Variants in CCBE1 observed in about 807,000 individuals in gnomAD.
The protein encoded by CCBE1 is collagen and calcium-binding EGF domain-containing protein 1.
Under a neutral mutation model 50.0 loss-of-function variants are expected in CCBE1, and 37 were observed. That is an observed-to-expected ratio of 0.74 (90% CI 0.57 to 0.97). CCBE1 has a LOEUF of 0.97. Among genes scored for constraint, CCBE1 ranks in the 50% least tolerant of loss-of-function variants. The pLI, the probability that CCBE1 is intolerant of heterozygous loss-of-function variation, is 0.00. For missense variants in CCBE1, 538 were observed against 523.8 expected, an observed-to-expected ratio of 1.03 and a Z score of -0.26; for synonymous variants, 234 against 203.7, an observed-to-expected ratio of 1.15 and a Z score of -1.27.
intron 2 of CCBE1, among the ~76,000 whole-genome samples, chr18:59,561,949 C>A (rs1232337739): frequency 6.6e-6 from 1 of 152,114 alleles, no homozygotes; most frequent in Non-Finnish European, 1.5e-5. Flanking sequence ...CTGCCTATTG[C>A]CCCCTGAGGT....
chr18:59,609,410 C>A (rs973241654), intron 2 of CCBE1, among the ~76,000 whole-genome samples: 3 of 152,188 alleles, frequency 2.0e-5, no homozygotes, highest in Non-Finnish European at 4.4e-5. Context: ...ACCCTCATCA[C>A]CATTAGAACA....
At chr18:59,476,187 C>T (rs1912297255) in intron 3 of CCBE1, among the ~76,000 whole-genome samples, 1 of 152,070 alleles carries the variant, frequency 6.6e-6, no homozygotes, top group African/African-American at 2.4e-5. Context: ...ATAATAATAC[C>T]CACACTTCAT....
intron 2 of CCBE1, among the ~76,000 whole-genome samples, chr18:59,695,773 C>A (rs2054796387): frequency 6.6e-6 from 1 of 152,194 alleles, no homozygotes; most frequent in Admixed American, 6.5e-5. Flanking sequence ...GCATGTGAGT[C>A]TCCAGAGACA....
In CCBE1 at chr18:59,480,187, T is replaced by G; in HGVS notation, c.264A>C (p.Glu88Asp). 1 of 1,581,266 alleles carries G rather than the reference T, an allele frequency of 6.3e-7. No individual in the cohort carries two copies. Among genetic ancestry groups the G allele is most frequent in the Non-Finnish European group, 8.7e-7 (1 of 1,150,658 alleles). Residue 88 changes from glutamate to aspartate, a missense_variant and splice_region_variant, in exon 3 of 11, where the codon GAA (glutamate) becomes GAC (aspartate). Coordinates refer to ENST00000439986, the MANE Select transcript of CCBE1 (RefSeq NM_133459.4). ...CAATATCTTTTTTATATTACATACC[T>G]TCTGGGATGCATTGTCCAAGAACAA... ...YKFVLGQCIP[E>D]DYDVCAEAPC...
chr18:59,696,702 A>C lies in CCBE1; in HGVS notation c.139T>G (p.Cys47Gly). 6.2e-7 allele frequency: 1 copy of C among 1,613,936 alleles called. No homozygotes were observed. The highest frequency in any genetic ancestry group is 1.1e-5 in the South Asian group (1 of 91,084). ...GTCGTCGCGATTTTGCTCTCTGAGC[A>C]GATTTCTCTATGAAAAAGTGCAGAG... ...EEPEDGDREI[C>G]SESKIATTKY... Residue 47 changes from cysteine (C) to glycine (G), a missense_variant, in exon 2 of 11, where the codon TGC becomes GGC. Transcript: ENST00000439986.
intron 2 of CCBE1, among the ~76,000 whole-genome samples, chr18:59,538,901 G>C (rs1915354835): frequency 6.6e-6 from 1 of 152,218 alleles, no homozygotes; most frequent in Non-Finnish European, 1.5e-5. Context: ...AGACTAGGCT[G>C]GGTTCGTGGC....
intron 7 of CCBE1, among the ~76,000 whole-genome samples, chr18:59,440,112 G>T (rs1910353222): frequency 6.6e-6 from 1 of 152,168 alleles, no homozygotes; most frequent in African/African-American, 2.4e-5. Context: ...TCAGTGGCCA[G>T]CTCCTGTGCA....
intron 2 of CCBE1, among the ~76,000 whole-genome samples, chr18:59,629,553 C>A (rs1243623056): frequency 1.3e-5 from 2 of 152,106 alleles, no homozygotes; most frequent in African/African-American, 4.8e-5. Context: ...TAGAACACTG[C>A]CCAGCACAGA....
chr18:59,458,121 A>AATCC (rs72142081), intron 5 of CCBE1, among the ~76,000 whole-genome samples: 33 of 151,074 alleles, frequency 2.2e-4, no homozygotes, highest in African/African-American at 7.5e-4. Context: ...TCTGTCCATC[A>AATCC]ATCCATCCAT....
intron 2 of CCBE1, among the ~76,000 whole-genome samples, chr18:59,585,192 CGTAA>C (rs370294611): frequency 0.011 from 1,723 of 152,156 alleles, 18 homozygotes; most frequent in Middle Eastern, 0.041. Flanking sequence ...CTTCAGATCT[CGTAA>C]GTGTCATCTG....
At chr18:59,618,904 T>A (rs1444495236) in intron 2 of CCBE1, among the ~76,000 whole-genome samples, 3 of 152,198 alleles carry the variant, frequency 2.0e-5, no homozygotes, top group Non-Finnish European at 4.4e-5. Flanking sequence ...TTTTACTTCG[T>A]GTATAGTGGA....
At chr18:59,462,205 G>A (rs1911516424) in intron 5 of CCBE1, among the ~76,000 whole-genome samples, 1 of 152,122 alleles carries the variant, frequency 6.6e-6, no homozygotes, top group African/African-American at 2.4e-5. Context: ...ATGCCATGCA[G>A]TCTACAGAAA....
Position 59,560,599 on chromosome 18 carries a change from C to T in CCBE1, c.213-80361G>A, listed in dbSNP as rs188302825. On this transcript the variant is annotated intron_variant, in intron 2 of 10. Transcript: ENST00000439986. ...ACCTGCACGTTCTGCACACGTATCC[C>T]ATAACTTAAAAAGAAAAAAAGACCT... 8.1e-3 allele frequency among the ~76,000 whole-genome samples: 1,228 copies of T among 152,202 alleles called. 16 individuals carry two copies. The highest frequency in any genetic ancestry group is 0.028 in the African/African-American group (1,148 of 41,522).
At chr18:59,659,249 G>A (rs1031576119) in intron 2 of CCBE1, among the ~76,000 whole-genome samples, 1 of 151,852 alleles carries the variant, frequency 6.6e-6, no homozygotes, top group Admixed American at 6.6e-5. Context: ...CACTGAAGTT[G>A]AGGCATATTC....
chr18:59,612,830 T>TG (rs2053590348), intron 2 of CCBE1, among the ~76,000 whole-genome samples: 1 of 113,930 alleles, frequency 8.8e-6, no homozygotes, highest in South Asian at 3.0e-4. Flanking sequence ...TTTTTTGTTT[T>TG]TTTTTGTTTT....
chr18:59,458,312 A>T (rs930690084), intron 5 of CCBE1, among the ~76,000 whole-genome samples: 7 of 152,244 alleles, frequency 4.6e-5, no homozygotes, highest in African/African-American at 2.4e-5. Context: ...GGCACTGAGA[A>T]TGCAAAGTAA....
chr18:59,506,456 C>G (rs551393694), intron 2 of CCBE1, among the ~76,000 whole-genome samples: 15 of 152,242 alleles, frequency 9.9e-5, no homozygotes, highest in Non-Finnish European at 1.8e-4. Flanking sequence ...GACACCACTT[C>G]ACTTGCTAAA....
At chr18:59,504,899 G>A (rs890354532) in intron 2 of CCBE1, among the ~76,000 whole-genome samples, 2 of 152,082 alleles carry the variant, frequency 1.3e-5, no homozygotes, top group African/African-American at 2.4e-5. Context: ...CCTCATGAAG[G>A]TCACAGGTAG....
chr18:59,659,319 C>G (rs183601644), intron 2 of CCBE1, among the ~76,000 whole-genome samples: 60 of 151,150 alleles, frequency 4.0e-4, no homozygotes, highest in African/African-American at 1.4e-3. Context: ...AAACAGCAAC[C>G]AACTTTAAAT....
Sources: allele counts gnomAD v4.1 joint callset (sites outside exome capture counted in the v4.1 genomes callset), GRCh38; gene constraint gnomAD v4.1.1; transcripts MANE v1.5; gene names NCBI Gene and HGNC (gene_info 2026-07-23, HGNC 2026-07-21).